FAM53A: variants seen among roughly 807,000 people sequenced by gnomAD.
The protein encoded by FAM53A is protein FAM53A.
In FAM53A, 28 loss-of-function variants were observed where a neutral mutation model predicts 26.6. The ratio of observed to expected loss-of-function variants is 1.05; its 90% CI spans 0.78 to 1.45. FAM53A has a LOEUF of 1.45. Ranked by LOEUF, FAM53A falls within the 40% of genes most tolerant of loss-of-function variation. The probability of loss-of-function intolerance (pLI) is 0.00; values close to 1 mark genes in which losing one functional copy is unlikely to be tolerated. For missense variants in FAM53A, 650 were observed against 575.8 expected (o/e 1.13, Z -1.32); for synonymous variants, 290 against 253.1 (o/e 1.15, Z -1.38).
the FAM53A span, among the ~76,000 whole-genome samples, chr4:1,576,351 G>A: frequency 2.0e-5 from 3 of 152,220 alleles, no homozygotes; most frequent in African/African-American, 4.8e-5. Context: ...GGCAGTAATC[G>A]CAGAGAATCG....
Position 1,656,975 on chromosome 4 carries a change from C to T in FAM53A, c.136+433G>A, listed in dbSNP as rs549389922. ...TCTCCATCAATGAAGGGCCCACCTGCGGGTGAACCAGGCACAGCCACACCC... is the reference window on the plus strand; with the variant it reads ...TCTCCATCAATGAAGGGCCCACCTGTGGGTGAACCAGGCACAGCCACACCC... On this transcript the variant is annotated intron_variant, in intron 3 of 4. Transcript: ENST00000308132. Among the ~76,000 whole-genome samples the T allele has an allele frequency of 7.2e-5, 11 of 152,306 alleles. No individual in the cohort carries two copies. The East Asian group carries it at 1.4e-3, about 19-fold the overall frequency.
At chr4:1,622,902 C>T (rs1715108743) in intron 1 of FAM53A, among the ~76,000 whole-genome samples, 1 of 152,226 alleles carries the variant, frequency 6.6e-6, no homozygotes, top group Non-Finnish European at 1.5e-5. Flanking sequence ...GAAGGGGAGG[C>T]CACACGCACA....
intron 4 of FAM53A, 102 bp from the exon 5 acceptor site, chr4:1,641,709 A>G: frequency 8.3e-7 from 1 of 1,203,612 alleles, no homozygotes; most frequent in Non-Finnish European, 1.2e-6. Flanking sequence ...GGCTCTGGCC[A>G]TCCCCAAGAC....
the FAM53A span, among the ~76,000 whole-genome samples, chr4:1,592,839 C>T: frequency 1.3e-5 from 2 of 152,176 alleles, no homozygotes; most frequent in Non-Finnish European, 2.9e-5. Flanking sequence ...GCACCACGTC[C>T]CACCCGCACA....
the FAM53A span, among the ~76,000 whole-genome samples, chr4:1,601,561 G>A: frequency 2.7e-5 from 3 of 109,284 alleles, 1 homozygote; most frequent in Non-Finnish European, 4.4e-5. Context: ...AACAGGCTGC[G>A]CCCCATTTGC....
At position 1,655,315 on chromosome 4, in the gene FAM53A, G is replaced by A; in HGVS notation, c.545C>T (p.Pro182Leu). 5 of 1,418,882 alleles carry A rather than the reference G, an allele frequency of 3.5e-6. No homozygotes were observed. Among genetic ancestry groups the A allele is most frequent in the Non-Finnish European group, 4.6e-6 (5 of 1,092,502 alleles). The allele number at this position is 1,418,882 out of a possible 1,614,324, so 87.9% of individuals were successfully genotyped here. A position where few individuals can be genotyped will look rare whatever the true frequency, so the allele number is the denominator to read the frequency against. The change falls in exon 4 of 5, where the codon CCC (proline) becomes CTC (leucine). Residue 182 changes from proline (P) to leucine (L), a missense_variant. Coordinates refer to ENST00000308132, the MANE Select transcript of FAM53A (RefSeq NM_001174070.3). Reference sequence around the variant, plus strand: ...GGCGGAGGACGGCCGGGGCGTGGCGGGCGAGGTGGGACCGGTCGACCACAC... The same window carrying A: ...GGCGGAGGACGGCCGGGGCGTGGCGAGCGAGGTGGGACCGGTCGACCACAC... Reference protein sequence around the residue: ...SAVWSTGPTSPATPRPSSASG... With the variant: ...SAVWSTGPTSLATPRPSSASG...
At chr4:1,650,794 CG>C (rs1201048312) in intron 4 of FAM53A, among the ~76,000 whole-genome samples, 3 of 151,136 alleles carry the variant, frequency 2.0e-5, no homozygotes. Context: ...GTACACCCGG[CG>C]GGTTTTGTTT....
At chr4:1,617,768 C>A, downstream of FAM53A, 1 of 232,532 alleles carries the variant, frequency 4.3e-6, no homozygotes, top group South Asian at 4.9e-5. Context: ...CATTCCTGAA[C>A]GGTCTTCTCA....
At chr4:1,669,417 G>A (rs570788156) in intron 1 of FAM53A, among the ~76,000 whole-genome samples, 14 of 152,226 alleles carry the variant, frequency 9.2e-5, no homozygotes, top group Admixed American at 3.9e-4. Context: ...AGGGGCCGGC[G>A]GAGGAAGGGC....
chr4:1,589,773 T>C, the FAM53A span, among the ~76,000 whole-genome samples: 2 of 152,204 alleles, frequency 1.3e-5, no homozygotes, highest in Admixed American at 6.5e-5. Context: ...TTTTATTCTA[T>C]ATTTACTTTG....
intron 4 of FAM53A, among the ~76,000 whole-genome samples, chr4:1,648,449 C>T (rs1712440481): frequency 6.6e-6 from 1 of 152,136 alleles, no homozygotes; most frequent in African/African-American, 2.4e-5. Context: ...GCAGGCAGCC[C>T]TGGCCCCTCA....
the FAM53A span, among the ~76,000 whole-genome samples, chr4:1,595,515 T>C: frequency 6.6e-6 from 1 of 152,052 alleles, no homozygotes; most frequent in Admixed American, 6.5e-5. Context: ...ACGTGGCTGG[T>C]GGGGTGGGGC....
intron 1 of FAM53A, among the ~76,000 whole-genome samples, chr4:1,619,289 G>A (rs61144727): frequency 0.24 from 35,913 of 152,212 alleles, 5,098 homozygotes; most frequent in Admixed American, 0.35. Context: ...GGGCAAACAC[G>A]GAGCTGGAGA....
At chr4:1,660,008 A>T (rs558066332) in intron 2 of FAM53A, among the ~76,000 whole-genome samples, 93 of 152,240 alleles carry the variant, frequency 6.1e-4, no homozygotes, top group African/African-American at 2.2e-3. Flanking sequence ...GGAAATCTGG[A>T]CTTCAGGGCT....
chr4:1,587,839 T>A, the FAM53A span, among the ~76,000 whole-genome samples: 2 of 152,242 alleles, frequency 1.3e-5, no homozygotes, highest in Non-Finnish European at 2.9e-5. Context: ...CATGTTTTAA[T>A]ACATTTTATA....
the FAM53A span, among the ~76,000 whole-genome samples, chr4:1,577,736 C>G: frequency 6.6e-6 from 1 of 152,114 alleles, no homozygotes; most frequent in East Asian, 1.9e-4. Context: ...GCCTATCTGA[C>G]TCTGTACTTT....
Position 1,655,201 on chromosome 4 carries a change from C to A in FAM53A, c.659G>T (p.Arg220Leu), listed in dbSNP as rs779306779. ...SAESCLPSTRRRPSLSQERLA... is the reference protein window; with the variant it reads ...SAESCLPSTRLRPSLSQERLA... Reference sequence around the variant, plus strand: ...TCGCTCCTGTGAGAGGGACGGGCGGCGCCTCGTGGAGGGCAAGCAGGACTC... The same window carrying A: ...TCGCTCCTGTGAGAGGGACGGGCGGAGCCTCGTGGAGGGCAAGCAGGACTC... The change falls in exon 4 of 5, where the codon CGC (arginine) becomes CTC (leucine). Residue 220 changes from arginine (R) to leucine (L), a missense_variant. Physicochemically the swap from Arg to Leu is moderately radical, Grantham distance 102. Transcript: ENST00000308132. 1.3e-6 allele frequency: 2 copies of A among 1,557,072 alleles called. No homozygotes were observed. The highest frequency in any genetic ancestry group is 2.3e-5 in the East Asian group (1 of 42,836).
rs754128471 is a variant in FAM53A at position 1,644,241 on chromosome 4, C to G, written c.883-2634G>C. On this transcript the variant is annotated intron_variant, in intron 4 of 4. Transcript: ENST00000308132. ...CAAACCACGGCGTTTTGTTTTCATT[C>G]AGAGTCGACCCTCTGGACTGACTGC... 24 of 1,535,830 alleles carry G rather than the reference C, an allele frequency of 1.6e-5. 1 individual carries two copies. In the South Asian group the frequency reaches 2.6e-4, roughly 17 times the overall value.
rs954164991 is a variant in FAM53A at position 1,661,556 on chromosome 4, C to A, written c.76-4088G>T. ...TGCTGTCCCGGGCTCTCTGGGGAAGCCCCAGCCAGAGCACAGTGAGATGCT... is the reference window on the plus strand; with the variant it reads ...TGCTGTCCCGGGCTCTCTGGGGAAGACCCAGCCAGAGCACAGTGAGATGCT... On this transcript the variant is annotated intron_variant, in intron 2 of 4. Coordinates refer to ENST00000308132, the MANE Select transcript of FAM53A (RefSeq NM_001174070.3). Among the ~76,000 whole-genome samples, 5 of 152,288 alleles carry A rather than the reference C, an allele frequency of 3.3e-5. No individual in the cohort carries two copies. The East Asian group carries it at 5.8e-4, about 18-fold the overall frequency.
Sources: allele counts gnomAD v4.1 joint callset (sites outside exome capture counted in the v4.1 genomes callset), GRCh38; gene constraint gnomAD v4.1.1; transcripts MANE v1.5; gene names NCBI Gene and HGNC (gene_info 2026-07-23, HGNC 2026-07-21).